Variants in TRPM5 observed in about 807,000 individuals in gnomAD.
TRPM5 encodes MLSN1 and TRP-related.
A neutral mutation model predicts 124.9 loss-of-function variants in TRPM5; 121 were observed. The observed-to-expected ratio is 0.97, with a 90% CI of 0.84 to 1.13. TRPM5 has a LOEUF of 1.13. Among genes scored for constraint, TRPM5 ranks in the 50% most tolerant of loss-of-function variants. The probability of loss-of-function intolerance (pLI) is 0.00; values close to 1 mark genes in which losing one functional copy is unlikely to be tolerated. For missense variants in TRPM5, 1,643 were observed against 1,589.1 expected, an observed-to-expected ratio of 1.03 and a Z score of -0.58; for synonymous variants, 781 against 700.5, an observed-to-expected ratio of 1.11 and a Z score of -1.81.
chr11:2,422,052 A>G, intron 2 of TRPM5, 89 bp downstream of exon 7: 1 of 1,391,500 alleles, frequency 7.2e-7, no homozygotes, highest in South Asian at 1.4e-5. Flanking sequence ...GTGGGGTGGG[A>G]GCACTGCCTG....
intron 15 of TRPM5, among the ~76,000 whole-genome samples, chr11:2,412,516 T>G (rs968922086): frequency 1.4e-4 from 21 of 152,366 alleles, no homozygotes; most frequent in African/African-American, 4.8e-4. Flanking sequence ...CAGTCCGTGA[T>G]ACAGGTCAGG....
At chr11:2,414,128 T>C in exon 12 of TRPM5, 1 of 1,603,870 alleles carries the variant, frequency 6.2e-7, no homozygotes, top group Non-Finnish European at 8.5e-7. Context: ...GCAGGTGGTC[T>C]TGCTCCAGCA....
chr11:2,441,695 A>AT, the TRPM5 span, among the ~76,000 whole-genome samples: 88 of 146,740 alleles, frequency 6.0e-4, no homozygotes, highest in Middle Eastern at 3.6e-3. The surrounding 1 kb of genome is among the most constrained non-coding windows in gnomAD (Gnocchi z 7.2). Flanking sequence ...AGTTATTAGA[A>AT]TTTTTTTTTT....
exon 15 of TRPM5, chr11:2,412,928 G>A (rs1412656462): frequency 6.2e-7 from 1 of 1,601,264 alleles, no homozygotes; most frequent in East Asian, 2.2e-5. Flanking sequence ...GAGCGCCCCA[G>A]AATTTCCGCC....
At chr11:2,422,982 G>T in exon 1 of TRPM5, 2 of 1,612,976 alleles carry the variant, frequency 1.2e-6, no homozygotes, top group South Asian at 2.2e-5. Flanking sequence ...CCCAGCTCCC[G>T]CCGGTCTTCA....
exon 7 of TRPM5, chr11:2,417,739 C>G: frequency 6.3e-7 from 1 of 1,596,310 alleles, no homozygotes; most frequent in Non-Finnish European, 8.5e-7. Context: ...TTCACCAGCG[C>G]CTTCAGGATG....
At chr11:2,412,472 G>A (rs905977671) in intron 15 of TRPM5, among the ~76,000 whole-genome samples, 1 of 152,246 alleles carries the variant, frequency 6.6e-6, no homozygotes, top group Non-Finnish European at 1.5e-5. Context: ...TTTGTGCCCA[G>A]GGTCTAGGGA....
chr11:2,425,042 A>G (rs978320969), upstream of TRPM5, among the ~76,000 whole-genome samples: 5 of 152,232 alleles, frequency 3.3e-5, no homozygotes, highest in East Asian at 9.6e-4. Flanking sequence ...GCAGAGAGGC[A>G]GGATTTGAAT....
chr11:2,409,128 A>G (rs953754789), intron 18 of TRPM5, among the ~76,000 whole-genome samples: 1 of 151,928 alleles, frequency 6.6e-6, no homozygotes, highest in Non-Finnish European at 1.5e-5. Context: ...AGTTAGTGTG[A>G]CGCGTTGGCC....
chr11:2,407,246 G>A, exon 20 of TRPM5: 1 of 1,612,470 alleles, frequency 6.2e-7, no homozygotes, highest in Non-Finnish European at 8.5e-7. Context: ...TCAGGTTGTA[G>A]CGCTGGAACT....
At chr11:2,427,109 C>A (rs1176615860), upstream of TRPM5, among the ~76,000 whole-genome samples, 2 of 152,216 alleles carry the variant, frequency 1.3e-5, no homozygotes, top group Non-Finnish European at 2.9e-5. Context: ...CCCCACCTCA[C>A]CCCAGTGGGG....
At chr11:2,411,215 G>T in intron 18 of TRPM5, 137 bp downstream of exon 23, 2 of 1,120,270 alleles carry the variant, frequency 1.8e-6, no homozygotes, top group Non-Finnish European at 2.4e-6. Context: ...CCAGGCCTCA[G>T]CCACTTCTCC....
chr11:2,415,134 T>C (rs1351547436), exon 9 of TRPM5: 2 of 1,569,478 alleles, frequency 1.3e-6, no homozygotes, highest in South Asian at 2.3e-5. Flanking sequence ...CCTCCTGCGG[T>C]CCCCTGGCCG....
At chr11:2,441,109 TG>T in the TRPM5 span, among the ~76,000 whole-genome samples, 1 of 152,208 alleles carries the variant, frequency 6.6e-6, no homozygotes, top group Admixed American at 6.5e-5. This position sits in a 1 kb window ranked among gnomAD's most constrained non-coding sequence, Gnocchi z 7.2. Flanking sequence ...CCTGAGAGGC[TG>T]GGAGAGGGTT....
rs1300503662 is a variant in TRPM5 at position 2,409,582 on chromosome 11, A to T, written c.2783-1670T>A. ...GAGGAGACCTGCAGGCTGTACAGGA[A>T]CTGTCTGAGCCTCAGTCTCCCTCTC... On this transcript the variant is annotated intron_variant, in intron 18 of 23. Transcript: ENST00000155858. 3.9e-5 allele frequency among the ~76,000 whole-genome samples: 6 copies of T among 152,168 alleles called. No homozygotes were observed. In the East Asian group the frequency reaches 9.6e-4, roughly 24 times the overall value.
At chr11:2,418,502 C>G (rs1845720899) in intron 5 of TRPM5, 25 bp downstream of exon 10, 1 of 1,603,830 alleles carries the variant, frequency 6.2e-7, no homozygotes, top group South Asian at 1.1e-5. Context: ...TTCGGCCAGC[C>G]AGGGGGCCTC....
exon 20 of TRPM5, chr11:2,407,272 C>A: frequency 1.9e-6 from 3 of 1,611,802 alleles, no homozygotes; most frequent in African/African-American, 2.7e-5. Context: ...AACATGTCTG[C>A]GTTGCCCTGC....
chr11:2,418,409 C>G, intron 5 of TRPM5, 51 bp from the exon 11 acceptor site: 1 of 1,527,978 alleles, frequency 6.5e-7, no homozygotes. Flanking sequence ...CCGACGACAT[C>G]TGGATGCAGG....
chr11:2,441,719 C>A, the TRPM5 span, among the ~76,000 whole-genome samples: 1 of 151,862 alleles, frequency 6.6e-6, no homozygotes, highest in Non-Finnish European at 1.5e-5. The surrounding 1 kb of genome is among the most constrained non-coding windows in gnomAD (Gnocchi z 7.2). Context: ...GATGGAGTTT[C>A]GCTCTTGTCA....
Sources: gnomAD v4.1 joint callset for allele counts (sites outside exome capture counted in the v4.1 genomes callset) on GRCh38, gnomAD v4.1.1 for gene constraint, Gnocchi (gnomAD v3.1) non-coding constraint, MANE v1.5 for transcripts, NCBI Gene and HGNC (gene_info 2026-07-23, HGNC 2026-07-21) for gene names.